Variants in COMMD1 observed in about 807,000 individuals in gnomAD.
COMMD1 encodes copper metabolism domain containing 1.
In COMMD1, 10 loss-of-function variants were observed where a neutral mutation model predicts 17.2. That is an observed-to-expected ratio of 0.58 (90% CI 0.36 to 0.99). COMMD1 has a LOEUF of 0.99. Among genes scored for constraint, COMMD1 ranks in the 50% least tolerant of loss-of-function variants. The pLI is 0.01. For synonymous variants in COMMD1, 97 were observed against 91.6 expected (o/e 1.06, Z -0.34); for missense variants, 270 against 231.8 (o/e 1.17, Z -1.07).
intron 2 of COMMD1, among the ~76,000 whole-genome samples, chr2:62,044,840 A>G (rs1670336240): frequency 7.6e-6 from 1 of 132,284 alleles, no homozygotes; most frequent in Non-Finnish European, 1.6e-5. Flanking sequence ...CCTAACTTAA[A>G]AAAAAAAAAA....
At chr2:61,931,764 A>G (rs898892077) in intron 1 of COMMD1, among the ~76,000 whole-genome samples, 2 of 152,240 alleles carry the variant, frequency 1.3e-5, no homozygotes, top group Non-Finnish European at 2.9e-5. Context: ...ATTTTGAGAC[A>G]TTAGAATCAC....
At chr2:62,022,844 A>G (rs1221503890) in intron 2 of COMMD1, among the ~76,000 whole-genome samples, 2 of 152,200 alleles carry the variant, frequency 1.3e-5, no homozygotes, top group Non-Finnish European at 2.9e-5. Flanking sequence ...GATCGTTTAG[A>G]GTCCAATGTA....
intron 1 of COMMD1, among the ~76,000 whole-genome samples, chr2:61,966,387 A>G (rs1671506172): frequency 6.6e-6 from 1 of 152,216 alleles, no homozygotes; most frequent in African/African-American, 2.4e-5. Context: ...ACGAAACCAA[A>G]TAAATTTCTT....
At chr2:62,092,457 G>A (rs1671860437) in intron 2 of COMMD1, among the ~76,000 whole-genome samples, 1 of 152,138 alleles carries the variant, frequency 6.6e-6, no homozygotes, top group South Asian at 2.1e-4. Context: ...AGAAGTCCAG[G>A]GGCGGTCAGG....
chr2:62,082,909 C>T (rs940641974), intron 2 of COMMD1, among the ~76,000 whole-genome samples: 2 of 152,132 alleles, frequency 1.3e-5, no homozygotes, highest in African/African-American at 4.8e-5. Flanking sequence ...CCTTCCCTTC[C>T]TTGATATCAG....
At chr2:61,920,925 A>G (rs983265828) in intron 1 of COMMD1, among the ~76,000 whole-genome samples, 1 of 148,516 alleles carries the variant, frequency 6.7e-6, no homozygotes, top group East Asian at 2.0e-4. Flanking sequence ...GTATGTGTAT[A>G]TGTATACATA....
chr2:61,892,180 A>C (rs189346161), intron 1 of COMMD1, among the ~76,000 whole-genome samples: 3 of 151,912 alleles, frequency 2.0e-5, no homozygotes, highest in African/African-American at 4.8e-5. Flanking sequence ...AAAACCAAAC[A>C]AACAAAAATA....
At chr2:61,975,356 T>C (rs910890099) in intron 1 of COMMD1, among the ~76,000 whole-genome samples, 2 of 152,154 alleles carry the variant, frequency 1.3e-5, no homozygotes, top group Admixed American at 6.5e-5. Context: ...GATGTAATTT[T>C]TCAATTCATT....
At chr2:62,078,604 C>T (rs572727970) in intron 2 of COMMD1, among the ~76,000 whole-genome samples, 3 of 147,924 alleles carry the variant, frequency 2.0e-5, no homozygotes, top group South Asian at 2.1e-4. Flanking sequence ...CACGGTGGCT[C>T]ATGCTTGTAA....
At chr2:61,980,136 T>C (rs1367235032) in intron 1 of COMMD1, among the ~76,000 whole-genome samples, 8 of 3,656 alleles carry the variant, frequency 2.2e-3, no homozygotes, top group African/African-American at 0.012. Context: ...ATTTTCTTAA[T>C]CCAGTCTATC....
chr2:62,072,280 C>G lies in COMMD1; in HGVS notation c.463-63551C>G, dbSNP rs191279796. ...CAAGCTGCCAGTTCTGGGTAAAGTC[C>G]CTGACCAGAGTGAGAACTTCCTCGA... On this transcript the variant is annotated intron_variant, in intron 2 of 2. Coordinates refer to ENST00000311832, the MANE Select transcript of COMMD1 (RefSeq NM_152516.4). 1.7e-3 allele frequency among the ~76,000 whole-genome samples: 259 copies of G among 152,100 alleles called. 1 individual carries two copies. Among genetic ancestry groups the G allele is most frequent in the African/African-American group, 5.9e-3 (244 of 41,488 alleles).
chr2:61,986,028 AT>A (rs1378683920), intron 1 of COMMD1, among the ~76,000 whole-genome samples: 1 of 152,194 alleles, frequency 6.6e-6, no homozygotes, highest in Non-Finnish European at 1.5e-5. Context: ...AGACTGAAGA[AT>A]TCCCTTTAGC....
chr2:61,990,020 C>T (rs2103776320), intron 1 of COMMD1, among the ~76,000 whole-genome samples: 1 of 152,276 alleles, frequency 6.6e-6, no homozygotes, highest in Middle Eastern at 3.4e-3. Context: ...GTTAGATCTA[C>T]ATCGAAGCCT....
intron 1 of COMMD1, among the ~76,000 whole-genome samples, chr2:61,948,915 G>A (rs1486375479): frequency 1.3e-5 from 2 of 152,192 alleles, no homozygotes; most frequent in Non-Finnish European, 2.9e-5. Context: ...AGGAGGTGGA[G>A]TCTGAAGGGA....
intron 1 of COMMD1, among the ~76,000 whole-genome samples, chr2:61,990,891 A>ATGT (rs1491407705): frequency 9.6e-6 from 1 of 103,850 alleles, no homozygotes; most frequent in African/African-American, 3.0e-5. Flanking sequence ...AAAAAAAAAA[A>ATGT]ATATATATAT....
intron 1 of COMMD1, among the ~76,000 whole-genome samples, chr2:61,912,140 A>G (rs972176075): frequency 9.2e-5 from 14 of 152,136 alleles, no homozygotes; most frequent in Non-Finnish European, 1.5e-5. Flanking sequence ...TTATTTGTTA[A>G]CTATTCTACT....
chr2:62,092,812 C>G (rs538576227), intron 2 of COMMD1, among the ~76,000 whole-genome samples: 3 of 152,098 alleles, frequency 2.0e-5, no homozygotes, highest in African/African-American at 7.2e-5. Flanking sequence ...CTCCCTGTTA[C>G]GATTTCACAG....
chr2:62,031,146 G>A (rs908788301), intron 2 of COMMD1, among the ~76,000 whole-genome samples: 1 of 152,082 alleles, frequency 6.6e-6, no homozygotes, highest in Admixed American at 6.6e-5. Context: ...TCTTTTATCT[G>A]TGTTGGCAAT....
intron 1 of COMMD1, among the ~76,000 whole-genome samples, chr2:61,993,247 A>C (rs887618840): frequency 1.3e-5 from 2 of 152,214 alleles, no homozygotes; most frequent in African/African-American, 4.8e-5. Context: ...TCTACCAGCT[A>C]GTAGGGACAG....
Sources: allele counts gnomAD v4.1 joint callset (sites outside exome capture counted in the v4.1 genomes callset), GRCh38; gene constraint gnomAD v4.1.1; transcripts MANE v1.5; gene names NCBI Gene and HGNC (gene_info 2026-07-23, HGNC 2026-07-21).